RASIP1: variants seen among roughly 807,000 people sequenced by gnomAD.
RASIP1 encodes ras-interacting protein 1.
RASIP1 carries 20 observed loss-of-function variants against 85.3 expected under a neutral mutation model. The observed-to-expected ratio is 0.23, with a 90% CI of 0.17 to 0.34. RASIP1 has a LOEUF of 0.34. Ranked by LOEUF, RASIP1 falls within the 10% of genes least tolerant of loss-of-function variation. The pLI, the probability that RASIP1 is intolerant of heterozygous loss-of-function variation, is 1.00. For missense variants in RASIP1, 1,170 were observed against 1,390.9 expected (o/e 0.84, Z 2.53); for synonymous variants, 617 against 647.1 (o/e 0.95, Z 0.71).
At chr19:48,729,662 C>T (rs2033411557) in intron 4 of RASIP1, 72 bp from the exon 5 acceptor site, 2 of 1,213,572 alleles carry the variant, frequency 1.6e-6, no homozygotes, top group East Asian at 2.8e-5. Context: ...TCTCTGTTTT[C>T]TACAACAACT....
At position 48,740,594 on chromosome 19, in the gene RASIP1, C is replaced by A. The variant is rs1264839203; in HGVS notation, c.-78G>T. ...GTCAGTTCCACTGCTCTTGCCTCTG[C>A]CACGGCTCCCAGCACTGGGTGGGGG... is the stretch of plus-strand genomic sequence containing the variant. On this transcript the variant is annotated 5_prime_UTR_variant, in exon 1 of 12. Coordinates refer to ENST00000222145, the MANE Select transcript of RASIP1 (RefSeq NM_017805.3). This position sits in a 1 kb window ranked among gnomAD's most constrained non-coding sequence, Gnocchi z 5.5. The A allele has an allele frequency of 3.6e-6, 5 of 1,385,146 alleles. No individual in the cohort carries two copies. In the East Asian group the frequency reaches 1.4e-4, roughly 38 times the overall value. The allele number at this position is 1,385,146 out of a possible 1,614,324, so 85.8% of individuals were successfully genotyped here. A position where few individuals can be genotyped will look rare whatever the true frequency, so the allele number is the denominator to read the frequency against.
chr19:48,729,419 G>A lies in RASIP1; in HGVS notation c.1351C>T (p.Arg451Cys), dbSNP rs765294037. 2 of 1,558,784 alleles carry A rather than the reference G, an allele frequency of 1.3e-6. No individual in the cohort carries two copies. Among genetic ancestry groups the A allele is most frequent in the Middle Eastern group, 1.7e-4 (1 of 5,984 alleles). The stretch of plus-strand genomic sequence containing the variant: ...GTGACTGGGGCGCCCCGGGACGGGC[G>A]CACCATGGCCGGGTGCTCAGGGCCC... ...RAGPEHPAMV[R>C]PSRGAPVTHN... Residue 451 changes from arginine (R) to cysteine (C), a missense_variant, in exon 5 of 12, where the codon CGC (arginine) becomes TGC (cysteine). Arg to Cys is a radical substitution (Grantham distance 180). Coordinates refer to ENST00000222145, the MANE Select transcript of RASIP1 (RefSeq NM_017805.3).
rs370128880 is a variant in RASIP1, at chr19:48,726,940, G to C, written c.2024-52C>G. 70 of 1,609,858 alleles carry C rather than the reference G, an allele frequency of 4.3e-5. No individual in the cohort carries two copies. The African/African-American group carries it at 8.1e-4, about 19-fold the overall frequency. On this transcript the variant is annotated intron_variant, in intron 7 of 11. Coordinates refer to ENST00000222145, the MANE Select transcript of RASIP1 (RefSeq NM_017805.3). ...GAGAACCAGAAGTCGGCAGCCAGGA[G>C]CCCAGGTCCCCAGGTGCAGGGCATG... is the stretch of plus-strand genomic sequence containing the variant.
intron 6 of RASIP1, 63 bp from the exon 7 acceptor site, chr19:48,727,221 A>C (rs1012323709): frequency 3.8e-6 from 6 of 1,599,762 alleles, no homozygotes; most frequent in Non-Finnish European, 4.3e-6. Flanking sequence ...ACAAACCCCA[A>C]GATCTAAGTC....
chr19:48,729,189 C>T lies in RASIP1; in HGVS notation c.1581G>A (p.Leu527=). The T allele has an allele frequency of 7.8e-7, 1 of 1,283,910 alleles. No homozygotes were observed. Among genetic ancestry groups the T allele is most frequent in the Non-Finnish European group, 9.9e-7 (1 of 1,013,094 alleles). The allele number at this position is 1,283,910 out of a possible 1,614,324, so 79.5% of individuals were successfully genotyped here. The change falls in exon 5 of 12, where the codon CTG becomes CTA. Residue 527 remains leucine, a synonymous_variant. Transcript: ENST00000222145. ...AFSCRLCGRG[L]QERGEALAAY... is the part of the protein sequence containing the mutation. ...CGGCCAGTGCCTCGCCGCGCTCCTG[C>T]AGGCCGCGGCCGCACAGGCGACAGG...
At position 48,726,903 on chromosome 19, in the gene RASIP1, G is replaced by A. The variant is rs780038235; in HGVS notation, c.2024-15C>T. 2 of 1,611,218 alleles carry A rather than the reference G, an allele frequency of 1.2e-6. No homozygotes were observed. The highest frequency in any genetic ancestry group is 1.7e-6 in the Non-Finnish European group (2 of 1,178,170). On this transcript the variant is annotated splice_polypyrimidine_tract_variant and intron_variant, in intron 7 of 11. Coordinates refer to ENST00000222145, the MANE Select transcript of RASIP1 (RefSeq NM_017805.3). Reference sequence around the variant, plus strand: ...GAGCTGTGGGTCTGAGGACAGGCTTGGGGTTAAGAGGGAGAACCAGAAGTC... The same window carrying A: ...GAGCTGTGGGTCTGAGGACAGGCTTAGGGTTAAGAGGGAGAACCAGAAGTC...
Position 48,735,205 on chromosome 19 carries a change from C to T in RASIP1, c.1170G>A (p.Gln390=), listed in dbSNP as rs1286368168. 3 of 1,608,152 alleles carry T rather than the reference C, an allele frequency of 1.9e-6. No homozygotes were observed. Among genetic ancestry groups the T allele is most frequent in the African/African-American group, 1.3e-5 (1 of 74,798 alleles). ...CTGGGGCGGCGGTTACCTGGGCGTC[C>T]TGGTAGCCCTGGAGCAGCAGGAAGT... ...RPYFLLLQGY[Q]DAQDFVVYVM... The change falls in exon 4 of 12, where the codon CAG becomes CAA. Residue 390 remains glutamine, a synonymous_variant. Transcript: ENST00000222145.
At chr19:48,725,910 CTTT>C (rs576222260) in intron 8 of RASIP1, among the ~76,000 whole-genome samples, 1 of 149,270 alleles carries the variant, frequency 6.7e-6, no homozygotes, top group African/African-American at 2.5e-5. Context: ...GTGATGATTA[CTTT>C]TTTTTTTATT....
chr19:48,734,320 T>G (rs1206444015), intron 4 of RASIP1, among the ~76,000 whole-genome samples: 2 of 151,418 alleles, frequency 1.3e-5, no homozygotes, highest in Admixed American at 6.6e-5. Flanking sequence ...TTAAAAAAAT[T>G]TATTTTGGAG....
chr19:48,738,516 G>C lies in RASIP1; in HGVS notation c.823+444C>G, dbSNP rs1384847903. The C allele has an allele frequency of 6.4e-6, 1 of 155,056 alleles. No homozygotes were observed. Among genetic ancestry groups the C allele is most frequent in the East Asian group, 1.9e-4 (1 of 5,306 alleles). The allele number at this position is 155,056 out of a possible 1,614,324, so 9.6% of individuals were successfully genotyped here. On this transcript the variant is annotated intron_variant, in intron 3 of 11. Coordinates refer to ENST00000222145, the MANE Select transcript of RASIP1 (RefSeq NM_017805.3). The surrounding 1 kb of genome is among the most constrained non-coding windows in gnomAD (Gnocchi z 4.0). ...AGGGCGAATCCCTTAGGCCCCTGCG[G>C]ACTCCTGCCCATTCCACTGGACTCC...
In RASIP1 at chr19:48,720,753, A is replaced by G; in HGVS notation, c.*45T>C. ...GCTCAGGCGGGCTCCTGTCCGTAGA[A>G]GCCCGTGACATTTCAAGGTTCGCGC... On this transcript the variant is annotated 3_prime_UTR_variant, in exon 12 of 12. Coordinates refer to ENST00000222145, the MANE Select transcript of RASIP1 (RefSeq NM_017805.3). The G allele has an allele frequency of 6.3e-7, 1 of 1,591,314 alleles. No homozygotes were observed. Among genetic ancestry groups the G allele is most frequent in the Non-Finnish European group, 8.6e-7 (1 of 1,159,932 alleles).
At position 48,720,603 on chromosome 19, in the gene RASIP1, C is replaced by T; in HGVS notation, c.*195G>A. On this transcript the variant is annotated 3_prime_UTR_variant, in exon 12 of 12. Coordinates refer to ENST00000222145, the MANE Select transcript of RASIP1 (RefSeq NM_017805.3). ...GAGGCGCTGCCGATACCACGGATAC[C>T]TTTATTGCTCCCTGGCATTCACATC... 2 of 614,256 alleles carry T rather than the reference C, an allele frequency of 3.3e-6. No individual in the cohort carries two copies. The highest frequency in any genetic ancestry group is 5.8e-6 in the Non-Finnish European group (2 of 347,568). The allele number at this position is 614,256 out of a possible 1,614,324, so 38.1% of individuals were successfully genotyped here.
In RASIP1 at chr19:48,738,176, C is replaced by G. The variant is rs1395337419; in HGVS notation, c.823+784G>C. 6.6e-6 allele frequency among the ~76,000 whole-genome samples: 1 copy of G among 152,144 alleles called. No homozygotes were observed. The highest frequency in any genetic ancestry group is 6.5e-5 in the Admixed American group (1 of 15,272). On this transcript the variant is annotated intron_variant, in intron 3 of 11. Coordinates refer to ENST00000222145, the MANE Select transcript of RASIP1 (RefSeq NM_017805.3). This position sits in a 1 kb window ranked among gnomAD's most constrained non-coding sequence, Gnocchi z 4.0. ...GCCAGACTGGTCTCGAACTCCCAAC[C>G]TCAGGTGATCCGCCCGCCTCAGCCT...
At chr19:48,731,254 C>T (rs1568479975) in intron 4 of RASIP1, among the ~76,000 whole-genome samples, 1 of 151,974 alleles carries the variant, frequency 6.6e-6, no homozygotes, top group African/African-American at 2.4e-5. Context: ...ATTATTCCCA[C>T]CCCCCTAACA....
At chr19:48,728,787 A>AACAT in intron 5 of RASIP1, 150 bp downstream of exon 5, 1 of 961,118 alleles carries the variant, frequency 1.0e-6, no homozygotes, top group Non-Finnish European at 1.4e-6. Flanking sequence ...CAAACAAACA[A>AACAT]ACAAAACCCA....
chr19:48,730,035 C>T (rs1170567403), intron 4 of RASIP1, among the ~76,000 whole-genome samples: 1 of 151,996 alleles, frequency 6.6e-6, no homozygotes, highest in Admixed American at 6.6e-5. Flanking sequence ...TTTGAATAGA[C>T]ACTCCAAGGA....
At position 48,738,056 on chromosome 19, in the gene RASIP1, T is replaced by C. The variant is rs2033604517; in HGVS notation, c.823+904A>G. The stretch of plus-strand genomic sequence containing the variant: ...GCCTCCTGGGTTCAAATTATTCTCA[T>C]GTCTCGGCCTCCCGAGTAGCTGGGA... On this transcript the variant is annotated intron_variant, in intron 3 of 11. Coordinates refer to ENST00000222145, the MANE Select transcript of RASIP1 (RefSeq NM_017805.3). The surrounding 1 kb of genome is among the most constrained non-coding windows in gnomAD (Gnocchi z 4.0). The C allele has an allele frequency of 6.9e-6, 4 of 575,792 alleles. No homozygotes were observed. The highest frequency in any genetic ancestry group is 1.4e-4 in the East Asian group (1 of 6,998). The allele number at this position is 575,792 out of a possible 1,614,324, so 35.7% of individuals were successfully genotyped here. A position where few individuals can be genotyped will look rare whatever the true frequency, so the allele number is the denominator to read the frequency against.
Position 48,739,243 on chromosome 19 carries a change from T to C in RASIP1, c.540A>G (p.Leu180=), listed in dbSNP as rs1264106672. 2 of 1,475,560 alleles carry C rather than the reference T, an allele frequency of 1.4e-6. No individual in the cohort carries two copies. The highest frequency in any genetic ancestry group is 1.8e-6 in the Non-Finnish European group (2 of 1,120,680). 91.4% of individuals were successfully genotyped at this position (1,475,560 alleles called of 1,614,324 possible). ...STARELVAEA[L]ERYGLAGSPG... is the part of the protein sequence containing the mutation. ...GGCTGCCTGCTAGGCCGTAGCGCTC[T>C]AGCGCCTCGGCCACGAGCTCGCGCG... The change falls in exon 3 of 12, where the codon CTA becomes CTG. Residue 180 remains leucine (L), a synonymous_variant. Transcript: ENST00000222145. The surrounding 1 kb of genome is among the most constrained non-coding windows in gnomAD (Gnocchi z 9.2).
chr19:48,729,598 G>T lies in RASIP1; in HGVS notation c.1180-8C>A. 1 of 1,584,298 alleles carries T rather than the reference G, an allele frequency of 6.3e-7. No individual in the cohort carries two copies. Among genetic ancestry groups the T allele is most frequent in the Non-Finnish European group, 8.6e-7 (1 of 1,165,356 alleles). ...CACATACACCACAAAGTCCTGGAGG[G>T]GAAACGAGGATGCACTAAGGACATC... On this transcript the variant is annotated splice_polypyrimidine_tract_variant and splice_region_variant and intron_variant, in intron 4 of 11. Transcript: ENST00000222145.
Sources: allele counts gnomAD v4.1 joint callset (sites outside exome capture counted in the v4.1 genomes callset), GRCh38; gene constraint gnomAD v4.1.1; non-coding constraint Gnocchi (gnomAD v3.1); transcripts MANE v1.5; gene names NCBI Gene and HGNC (gene_info 2026-07-23, HGNC 2026-07-21).